Variants in DNA2 observed in about 807,000 individuals in gnomAD.
DNA2 encodes the protein DNA replication helicase/nuclease 2, also known as DNA replication ATP-dependent helicase/nuclease DNA2.
DNA2 carries 101 observed loss-of-function variants against 119.1 expected under a neutral mutation model. The observed-to-expected ratio is 0.85, with a 90% CI of 0.72 to 1.00. The LOEUF is 1.00. Ranked by LOEUF, DNA2 falls within the 50% of genes least tolerant of loss-of-function variation. The probability of loss-of-function intolerance (pLI) is 0.00; values close to 1 mark genes in which losing one functional copy is unlikely to be tolerated. For missense variants in DNA2, 1,121 were observed against 1,255.5 expected (o/e 0.89, Z 1.62); for synonymous variants, 366 against 424.4 (o/e 0.86, Z 1.69).
intron 14 of DNA2, among the ~76,000 whole-genome samples, chr10:68,426,636 C>A (rs1174257805): frequency 6.7e-6 from 1 of 149,472 alleles, no homozygotes; most frequent in Non-Finnish European, 1.5e-5. Flanking sequence ...GAGATGGAGA[C>A]CAACCTGTCT....
intron 14 of DNA2, 104 bp from the exon 15 acceptor site, chr10:68,422,994 C>T (rs372987392): frequency 7.9e-6 from 6 of 759,274 alleles, no homozygotes; most frequent in African/African-American, 7.1e-5. Flanking sequence ...TGTTCTATGG[C>T]ATCAGGAATC....
intron 14 of DNA2, chr10:68,424,814 G>A (rs2051715752): frequency 1.9e-6 from 2 of 1,030,376 alleles, no homozygotes; most frequent in South Asian, 1.3e-5. Flanking sequence ...CTGAGCAGGT[G>A]CAGCGTGAGT....
chr10:68,451,940 T>A lies in DNA2; in HGVS notation c.720-1693A>T, dbSNP rs1037536869. Among the ~76,000 whole-genome samples the A allele has an allele frequency of 2.0e-5, 3 of 151,426 alleles. No homozygotes were observed. The East Asian group carries it at 5.9e-4, about 30-fold the overall frequency. On this transcript the variant is annotated intron_variant, in intron 5 of 20. Coordinates refer to ENST00000358410, the MANE Select transcript of DNA2 (RefSeq NM_001080449.3). ...GAGAATATTTTCTAAGAAAAAAAAA[T>A]GCTGTCTTAAATAATTTTTTATAAA... is the stretch of plus-strand genomic sequence containing the variant.
intron 2 of DNA2, among the ~76,000 whole-genome samples, chr10:68,469,640 T>C (rs2052364095): frequency 6.6e-6 from 1 of 151,950 alleles, no homozygotes; most frequent in Non-Finnish European, 1.5e-5. Context: ...TTTTTTTTTA[T>C]TTTTAGTAGA....
Position 68,414,997 on chromosome 10 carries a change from G to A in DNA2, c.*42C>T. 1 of 1,278,654 alleles carries A rather than the reference G, an allele frequency of 7.8e-7. No individual in the cohort carries two copies. Among genetic ancestry groups the A allele is most frequent in the Non-Finnish European group, 1.1e-6 (1 of 898,768 alleles). The allele number at this position is 1,278,654 out of a possible 1,614,324, so 79.2% of individuals were successfully genotyped here. A position where few individuals can be genotyped will look rare whatever the true frequency, so the allele number is the denominator to read the frequency against. ...ATTTTCTGTATGGGCACTAGCTAGA[G>A]GAGATACTGCCCTAGTATGAAAAGG... On this transcript the variant is annotated 3_prime_UTR_variant, in exon 21 of 21. Coordinates refer to ENST00000358410, the MANE Select transcript of DNA2 (RefSeq NM_001080449.3).
chr10:68,420,567 C>T (rs942601857), intron 17 of DNA2, among the ~76,000 whole-genome samples: 5 of 151,432 alleles, frequency 3.3e-5, no homozygotes, highest in African/African-American at 1.2e-4. Flanking sequence ...AGATCTGGGT[C>T]GTATATCTGT....
chr10:68,436,379 C>G (rs2051888692), intron 10 of DNA2, among the ~76,000 whole-genome samples: 1 of 152,130 alleles, frequency 6.6e-6, no homozygotes. Context: ...TGAATCCATA[C>G]AGAAAGAAAG....
upstream of DNA2, among the ~76,000 whole-genome samples, chr10:68,472,447 A>T (rs1262704753): frequency 6.6e-6 from 1 of 152,028 alleles, no homozygotes; most frequent in Non-Finnish European, 1.5e-5. Context: ...AATCTACAAA[A>T]CTTCTGGCCA....
intron 4 of DNA2, among the ~76,000 whole-genome samples, chr10:68,463,058 G>A (rs1195420529): frequency 6.6e-6 from 1 of 151,928 alleles, no homozygotes; most frequent in Non-Finnish European, 1.5e-5. Flanking sequence ...CTTGAACCTG[G>A]GAGACAGAGG....
chr10:68,422,763 GAA>G lies in DNA2; in HGVS notation c.2334_2335del (p.Ser779ThrfsTer20). The G allele has an allele frequency of 1.3e-6, 2 of 1,576,404 alleles. No individual in the cohort carries two copies. The highest frequency in any genetic ancestry group is 1.8e-5 in the Admixed American group (1 of 55,166). ...GTCCCCCACTAACACAAATCTCCGT[GAA>G]AAAAAAAGGGGGCCCAGACAAATTG... is the stretch of plus-strand genomic sequence containing the variant. On this transcript the variant is annotated frameshift_variant, in exon 15 of 21. Coordinates refer to ENST00000358410, the MANE Select transcript of DNA2 (RefSeq NM_001080449.3). LOFTEE classifies it high-confidence loss of function.
At position 68,419,157 on chromosome 10, in the gene DNA2, C is replaced by T. The variant is rs770861654; in HGVS notation, c.2844G>A (p.Lys948=). 6.2e-7 allele frequency: 1 copy of T among 1,613,292 alleles called. No homozygotes were observed. Among genetic ancestry groups the T allele is most frequent in the South Asian group, 1.1e-5 (1 of 90,954 alleles). Reference sequence around the variant, plus strand: ...AACGTGCCAATAAATCATTGATGATCTTTAATTGCTGCCTGTACGGTGCAA... The same window carrying T: ...AACGTGCCAATAAATCATTGATGATTTTTAATTGCTGCCTGTACGGTGCAA... ...GIIAPYRQQL[K]IINDLLARSI... Residue 948 remains lysine, a synonymous_variant, in exon 19 of 21, where the codon AAG becomes AAA. Coordinates refer to ENST00000358410, the MANE Select transcript of DNA2 (RefSeq NM_001080449.3).
At chr10:68,429,282 C>T (rs1208246726) in intron 14 of DNA2, among the ~76,000 whole-genome samples, 2 of 150,194 alleles carry the variant, frequency 1.3e-5, no homozygotes, top group African/African-American at 4.9e-5. Flanking sequence ...CAGTAGTTCA[C>T]GCCTATAATC....
At chr10:68,426,655 G>A (rs1352155140) in intron 14 of DNA2, among the ~76,000 whole-genome samples, 1 of 151,380 alleles carries the variant, frequency 6.6e-6, no homozygotes, top group African/African-American at 2.4e-5. Context: ...CTAAGAGACG[G>A]TGAAACCCCG....
intron 9 of DNA2, 110 bp from the exon 10 acceptor site, chr10:68,437,351 T>A: frequency 1.1e-6 from 1 of 951,232 alleles, no homozygotes; most frequent in Non-Finnish European, 1.5e-6. Flanking sequence ...AAATTATTAT[T>A]GAGGCCGGGT....
At position 68,415,004 on chromosome 10, in the gene DNA2, C is replaced by A; in HGVS notation, c.*35G>T. The A allele has an allele frequency of 1.5e-6, 2 of 1,371,518 alleles. No individual in the cohort carries two copies. The highest frequency in any genetic ancestry group is 2.0e-6 in the Non-Finnish European group (2 of 981,894). 85.0% of individuals were successfully genotyped at this position (1,371,518 alleles called of 1,614,324 possible). The stretch of plus-strand genomic sequence containing the variant: ...GTATGGGCACTAGCTAGAGGAGATA[C>A]TGCCCTAGTATGAAAAGGCAAGGGA... On this transcript the variant is annotated 3_prime_UTR_variant, in exon 21 of 21. Transcript: ENST00000358410.
intron 4 of DNA2, 61 bp from the exon 5 acceptor site, chr10:68,459,296 A>C: frequency 7.0e-7 from 1 of 1,434,152 alleles, no homozygotes; most frequent in South Asian, 1.5e-5. Flanking sequence ...AAAATATGAT[A>C]GCGAATATGA....
chr10:68,428,792 A>G (rs2051777095), intron 14 of DNA2, among the ~76,000 whole-genome samples: 2 of 152,204 alleles, frequency 1.3e-5, no homozygotes, highest in South Asian at 4.1e-4. Flanking sequence ...TCTCAGAGTC[A>G]TGGCTGTCAG....
chr10:68,432,129 C>G (rs1007417870), intron 12 of DNA2, 77 bp downstream of exon 12: 21 of 1,164,566 alleles, frequency 1.8e-5, no homozygotes, highest in Middle Eastern at 2.4e-4. Context: ...CAAGTCTAAT[C>G]AAGATATTAG....
At chr10:68,460,904 TG>T (rs1319988400) in intron 4 of DNA2, among the ~76,000 whole-genome samples, 2,118 of 138,258 alleles carry the variant, frequency 0.015, 54 homozygotes, top group African/African-American at 0.056. Context: ...AGTGAGACCC[TG>T]TTTAAAAAAA....
Sources: allele counts gnomAD v4.1 joint callset (sites outside exome capture counted in the v4.1 genomes callset), GRCh38; gene constraint gnomAD v4.1.1; transcripts MANE v1.5; gene names NCBI Gene and HGNC (gene_info 2026-07-23, HGNC 2026-07-21).